NDUFS1: variants seen among roughly 807,000 people sequenced by gnomAD.
The protein encoded by NDUFS1 is NADH:ubiquinone oxidoreductase core subunit S1.
In NDUFS1, 61 loss-of-function variants were observed where a neutral mutation model predicts 84.4. The observed-to-expected ratio is 0.72, with a 90% CI of 0.59 to 0.89. The LOEUF is 0.89. Among genes scored for constraint, NDUFS1 ranks in the 40% least tolerant of loss-of-function variants. NDUFS1 has a pLI of 0.00. For missense variants in NDUFS1, 891 were observed against 890.0 expected, an observed-to-expected ratio of 1.00 and a Z score of -0.01; for synonymous variants, 275 against 290.0, an observed-to-expected ratio of 0.95 and a Z score of 0.53.
intron 8 of NDUFS1, 61 bp downstream of exon 8, chr2:206,146,841 TA>T (rs1252084901): frequency 2.6e-5 from 39 of 1,486,482 alleles, no homozygotes; most frequent in Non-Finnish European, 3.5e-5. Flanking sequence ...TGAACCTTAA[TA>T]TTTTTTTGAA....
intron 1 of NDUFS1, 144 bp downstream of exon 1, chr2:206,159,197 G>C: frequency 6.6e-7 from 1 of 1,514,910 alleles, no homozygotes. Flanking sequence ...CGGCTCTCAG[G>C]GGCTTCCGAG....
intron 1 of NDUFS1, among the ~76,000 whole-genome samples, chr2:206,158,565 C>T (rs918887705): frequency 6.6e-6 from 1 of 152,164 alleles, no homozygotes. Flanking sequence ...ACCACTTTCC[C>T]GGATTTAAAA....
intron 4 of NDUFS1, among the ~76,000 whole-genome samples, chr2:206,149,438 A>C (rs1274762002): frequency 2.6e-5 from 4 of 152,210 alleles, no homozygotes; most frequent in African/African-American, 4.8e-5. Context: ...AAATGAAATT[A>C]AACTACTGAA....
At chr2:206,149,139 T>C (rs1692274751) in intron 4 of NDUFS1, 43 bp from the exon 5 acceptor site, 3 of 1,441,390 alleles carry the variant, frequency 2.1e-6, no homozygotes, top group Non-Finnish European at 2.9e-6. Context: ...TTGTATTTAT[T>C]TGTGATTACA....
Position 206,129,461 on chromosome 2 carries a change from C to A in NDUFS1, c.1708+627G>T, listed in dbSNP as rs567377470. Among the ~76,000 whole-genome samples the A allele has an allele frequency of 1.2e-3, 178 of 152,110 alleles. 1 individual carries two copies. Among genetic ancestry groups the A allele is most frequent in the African/African-American group, 4.2e-3 (174 of 41,490 alleles). On this transcript the variant is annotated intron_variant, in intron 15 of 18. Coordinates refer to ENST00000233190, the MANE Select transcript of NDUFS1 (RefSeq NM_005006.7). ...AATTTTTTGTAGAAACAGGGTCTCC[C>A]TATGTTGCCCAGACTGGTCTAGAAC...
At chr2:206,152,681 A>C (rs1462909857) in intron 2 of NDUFS1, among the ~76,000 whole-genome samples, 171 bp from the exon 3 acceptor site, 1 of 151,058 alleles carries the variant, frequency 6.6e-6, no homozygotes, top group African/African-American at 2.4e-5. Context: ...AGAGTAGTTT[A>C]AACTGAAACT....
rs372691318 is a variant in NDUFS1 at position 206,130,127 on chromosome 2, G to C, written c.1669C>G (p.Arg557Gly). 2.5e-6 allele frequency: 4 copies of C among 1,614,094 alleles called. No individual in the cohort carries two copies. The highest frequency in any genetic ancestry group is 1.7e-5 in the Admixed American group (1 of 60,004). ...LLGADGGCIT[R>G]QDLPKDCFII... is the part of the protein sequence containing the mutation. ...AAACAATCCTTTGGCAAATCCTGTC[G>C]TGTGATACAACCTCCATCTGCTCCC... The change falls in exon 15 of 19, where the codon CGA (arginine) becomes GGA (glycine). Residue 557 changes from arginine to glycine, a missense_variant. Transcript: ENST00000233190.
chr2:206,127,814 T>G lies in NDUFS1; in HGVS notation c.1867A>C (p.Ile623Leu). 2 of 1,614,160 alleles carry G rather than the reference T, an allele frequency of 1.2e-6. No individual in the cohort carries two copies. The highest frequency in any genetic ancestry group is 8.5e-7 in the Non-Finnish European group (1 of 1,180,010). ...PGLAREDWKIIRALSEIAGMT... is the reference protein window; with the variant it reads ...PGLAREDWKILRALSEIAGMT... ...AATTATACCTCAGAGAGTGCTCTTATAATTTTCCAGTCTTCTCTTGCCAAG... is the reference window on the plus strand; with the variant it reads ...AATTATACCTCAGAGAGTGCTCTTAGAATTTTCCAGTCTTCTCTTGCCAAG... The change falls in exon 16 of 19, where the codon ATA becomes CTA. Residue 623 changes from isoleucine (I) to leucine (L), a missense_variant. Physicochemically the swap from Ile to Leu is conservative, Grantham distance 5 (BLOSUM62 2). Transcript: ENST00000233190.
intron 1 of NDUFS1, among the ~76,000 whole-genome samples, chr2:206,155,865 A>T (rs1298157362): frequency 2.0e-5 from 3 of 149,026 alleles, no homozygotes; most frequent in African/African-American, 7.4e-5. Context: ...AGTCACCAAA[A>T]CTTCTAAACT....
chr2:206,151,991 G>C (rs1158772809), intron 3 of NDUFS1, among the ~76,000 whole-genome samples: 6 of 151,996 alleles, frequency 3.9e-5, no homozygotes, highest in Admixed American at 3.9e-4. Flanking sequence ...TCAGCCTCTC[G>C]AGTAGCTGGG....
At chr2:206,145,055 G>A (rs898294118) in intron 8 of NDUFS1, 29 bp from the exon 9 acceptor site, 2 of 1,560,204 alleles carry the variant, frequency 1.3e-6, no homozygotes, top group South Asian at 1.2e-5. Context: ...GTTTACTATG[G>A]TGCTTTTGGG....
At chr2:206,144,211 G>A (rs750306997) in intron 9 of NDUFS1, 79 bp from the exon 10 acceptor site, 7 of 1,081,074 alleles carry the variant, frequency 6.5e-6, no homozygotes, top group African/African-American at 6.2e-5. Flanking sequence ...AACAAGAAAT[G>A]TTATTTAAAT....
chr2:206,132,697 AAC>A (rs1559046971), intron 14 of NDUFS1, among the ~76,000 whole-genome samples: 2 of 152,220 alleles, frequency 1.3e-5, no homozygotes, highest in African/African-American at 2.4e-5. Flanking sequence ...ACCAAGGTGT[AAC>A]TAATATAACA....
intron 14 of NDUFS1, among the ~76,000 whole-genome samples, chr2:206,132,731 T>C (rs1394545081): frequency 1.3e-5 from 2 of 152,250 alleles, no homozygotes; most frequent in Non-Finnish European, 2.9e-5. Context: ...ACTTCACTTT[T>C]TTTCTCAACA....
intron 12 of NDUFS1, among the ~76,000 whole-genome samples, chr2:206,139,290 A>T (rs998904543): frequency 6.6e-6 from 1 of 151,636 alleles, no homozygotes; most frequent in African/African-American, 2.4e-5. Context: ...GGTTCCAGCA[A>T]TTTTCCTGCC....
intron 5 of NDUFS1, 84 bp from the exon 6 acceptor site, chr2:206,147,918 A>C (rs1692221896): frequency 3.1e-6 from 4 of 1,286,346 alleles, no homozygotes; most frequent in Non-Finnish European, 4.5e-6. Flanking sequence ...TGACCTATAG[A>C]CTTTATTTTT....
At chr2:206,125,392 G>T (rs1289396698) in intron 18 of NDUFS1, among the ~76,000 whole-genome samples, 1 of 151,966 alleles carries the variant, frequency 6.6e-6, no homozygotes, top group Non-Finnish European at 1.5e-5. Flanking sequence ...AGCTCAGGAG[G>T]CAGAGGTTGC....
chr2:206,134,578 T>C (rs1291856052), intron 13 of NDUFS1, among the ~76,000 whole-genome samples: 2 of 147,338 alleles, frequency 1.4e-5, no homozygotes, highest in Admixed American at 6.7e-5. Context: ...CCAGACCATC[T>C]CAAAAACAAA....
chr2:206,116,404 G>T lies in NDUFS1; in HGVS notation c.*7781C>A. On this transcript the variant is annotated 3_prime_UTR_variant, in exon 19 of 19. Transcript: ENST00000233190. Reference sequence around the variant, plus strand: ...AGTAACCAGACGGCGCCCATCCCAAGCTGCCAGGGCCTCGATAGGCAGGGC... The same window carrying T: ...AGTAACCAGACGGCGCCCATCCCAATCTGCCAGGGCCTCGATAGGCAGGGC... The T allele has an allele frequency of 1.2e-6, 1 of 809,754 alleles. No individual in the cohort carries two copies. Among genetic ancestry groups the T allele is most frequent in the Non-Finnish European group, 2.1e-6 (1 of 472,538 alleles). 50.2% of individuals were successfully genotyped at this position (809,754 alleles called of 1,614,324 possible). A position where few individuals can be genotyped will look rare whatever the true frequency, so the allele number is the denominator to read the frequency against.
Sources: allele counts gnomAD v4.1 joint callset (sites outside exome capture counted in the v4.1 genomes callset), GRCh38; gene constraint gnomAD v4.1.1; transcripts MANE v1.5; gene names NCBI Gene and HGNC (gene_info 2026-07-23, HGNC 2026-07-21).